ZNF668: variants seen among roughly 807,000 people sequenced by gnomAD.
The protein encoded by ZNF668 is zinc finger protein 668.
A neutral mutation model predicts 40.3 loss-of-function variants in ZNF668; 10 were observed. The observed-to-expected ratio is 0.25, with a 90% confidence interval of 0.15 to 0.42. The LOEUF (loss-of-function observed/expected upper bound fraction) is 0.42. Among genes scored for constraint, ZNF668 ranks in the 10% least tolerant of loss-of-function variants. The probability of loss-of-function intolerance (pLI) is 1.00; values close to 1 mark genes in which losing one functional copy is unlikely to be tolerated. For missense variants in ZNF668, 749 were observed against 904.6 expected (o/e 0.83, Z 2.21); for synonymous variants, 428 against 384.6 (o/e 1.11, Z -1.32).
chr16:31,071,292 G>A (rs1488088339), intron 1 of ZNF668, among the ~76,000 whole-genome samples: 2 of 151,522 alleles, frequency 1.3e-5, no homozygotes, highest in Non-Finnish European at 2.9e-5. Flanking sequence ...TCAGCCTCCC[G>A]AGTAGCTGGG....
At position 31,061,495 on chromosome 16, in the gene ZNF668, C is replaced by G. The variant is rs541275035; in HGVS notation, c.1433G>C (p.Gly478Ala). Residue 478 changes from glycine (G) to alanine (A), a missense_variant, in exon 3 of 3, where the codon GGC becomes GCC. Around this residue, in one of 4 missense-constraint regions of ZNF668, gnomAD observed 310 missense variants for 355.1 expected, o/e 0.87. Coordinates refer to ENST00000300849, the MANE Select transcript of ZNF668 (RefSeq NM_024706.5). This position sits in a 1 kb window ranked among gnomAD's most constrained non-coding sequence, Gnocchi z 7.7. ...GCATTCCACATGCTCCACCGTCATG[C>G]CCACCACCTGCCACTGTGTGGCCAT... ...GVMATQWQVVGMTVEHVECQD... is the reference protein window; with the variant it reads ...GVMATQWQVVAMTVEHVECQD... The G allele has an allele frequency of 1.2e-6, 2 of 1,613,024 alleles. No individual in the cohort carries two copies. Among genetic ancestry groups the G allele is most frequent in the African/African-American group, 1.3e-5 (1 of 75,048 alleles).
At chr16:31,071,485 T>C (rs993842091) in intron 1 of ZNF668, among the ~76,000 whole-genome samples, 1 of 151,860 alleles carries the variant, frequency 6.6e-6, no homozygotes, top group Non-Finnish European at 1.5e-5. Context: ...TATTTAGAGA[T>C]TGGGTCTCAC....
chr16:31,069,712 C>T lies in ZNF668; in HGVS notation c.-23+3947G>A, dbSNP rs550548818. The stretch of plus-strand genomic sequence containing the variant: ...TCTCATGATTATCTATCAAGCAGTT[C>T]TCCTGCCTCAGCCTCCTAAGTAGCT... On this transcript the variant is annotated intron_variant, in intron 1 of 2. Transcript: ENST00000300849. Among the ~76,000 whole-genome samples, 19 of 151,856 alleles carry T rather than the reference C, an allele frequency of 1.3e-4. No individual in the cohort carries two copies. In the South Asian group the frequency reaches 3.9e-3, roughly 32 times the overall value.
chr16:31,061,288 G>T lies in ZNF668; in HGVS notation c.1640C>A (p.Thr547Asn). The T allele has an allele frequency of 1.3e-6, 2 of 1,568,240 alleles. No homozygotes were observed. The highest frequency in any genetic ancestry group is 1.7e-6 in the Non-Finnish European group (2 of 1,156,404). The stretch of plus-strand genomic sequence containing the variant: ...GTCAGAGAAGCTCTTGCCGCACTGG[G>T]TGCAGGGGAAGGGCCGGAGCTCCGG... The part of the protein sequence containing the change: ...SHPELRPFPC[T>N]QCGKSFSDRA... Residue 547 changes from threonine to asparagine, a missense_variant, in exon 3 of 3, where the codon ACC (threonine) becomes AAC (asparagine). Thr to Asn is a moderately conservative substitution (Grantham distance 65, BLOSUM62 0). Transcript: ENST00000300849. This position sits in a 1 kb window ranked among gnomAD's most constrained non-coding sequence, Gnocchi z 7.7.
intron 2 of ZNF668, chr16:31,062,529 C>T: frequency 2.1e-6 from 1 of 481,472 alleles, no homozygotes; most frequent in Non-Finnish European, 3.7e-6. Context: ...GCCTGTAATT[C>T]CAGCACTTTG....
intron 1 of ZNF668, chr16:31,064,895 A>G: frequency 7.8e-6 from 11 of 1,409,536 alleles, no homozygotes; most frequent in East Asian, 2.6e-5. Context: ...GCGCCCAGAA[A>G]AGACAGACCT....
intron 1 of ZNF668, chr16:31,066,065 G>A (rs1251573048): frequency 4.1e-6 from 4 of 985,376 alleles, no homozygotes; most frequent in Middle Eastern, 5.2e-4. Flanking sequence ...AGCCCCTGAC[G>A]CGTGGCAAGG....
At chr16:31,062,311 G>A in intron 2 of ZNF668, 31 bp from the exon 3 acceptor site, 1 of 1,564,662 alleles carries the variant, frequency 6.4e-7, no homozygotes, top group African/African-American at 1.3e-5. Flanking sequence ...TGGCATGAAG[G>A]CGACAGACCC....
Position 31,073,676 on chromosome 16 carries a change from G to A in ZNF668, c.-40C>T, listed in dbSNP as rs2057037096. On this transcript the variant is annotated 5_prime_UTR_variant, in exon 1 of 3. Transcript: ENST00000300849. ...TTTCCTACCTGATGAGACTTGTGCT[G>A]ACTCCGTGGCGTCGGCGTCGGCTCC... 6.6e-6 allele frequency: 1 copy of A among 152,196 alleles called. No homozygotes were observed. Among genetic ancestry groups the A allele is most frequent in the African/African-American group, 2.4e-5 (1 of 41,444 alleles). The allele number at this position is 152,196 out of a possible 1,614,324, so 9.4% of individuals were successfully genotyped here. A position where few individuals can be genotyped will look rare whatever the true frequency, so the allele number is the denominator to read the frequency against.
chr16:31,063,769 T>TCGCCCTGCCCCGGAAGG (rs751996983), intron 2 of ZNF668, 44 bp downstream of exon 2: 147 of 1,484,524 alleles, frequency 9.9e-5, no homozygotes, highest in Middle Eastern at 4.8e-4. Flanking sequence ...AGCAACGCTG[T>TCGCCCTGCCCCGGAAGG]CGCCCTGCCC....
rs11311964 is a variant in ZNF668, at chr16:31,068,521, C to CT, written c.-22-4041dup. On this transcript the variant is annotated intron_variant, in intron 1 of 2. Coordinates refer to ENST00000300849, the MANE Select transcript of ZNF668 (RefSeq NM_024706.5). Reference sequence around the variant, plus strand: ...ACAGGCGAGAGCCACCACGCCCAGACTTTTTTTTTTTTTTTTATTAAAGAG... The same window carrying CT: ...ACAGGCGAGAGCCACCACGCCCAGACTTTTTTTTTTTTTTTTTATTAAAGAG... Among the ~76,000 whole-genome samples the CT allele has an allele frequency of 5.5e-3, 773 of 140,944 alleles. 4 individuals are homozygous for CT. The highest frequency in any genetic ancestry group is 0.014 in the African/African-American group (535 of 38,606). The allele number at this position is 140,944 out of a possible 152,430, so 92.5% of individuals were successfully genotyped here.
chr16:31,072,147 G>A (rs1463882363), intron 1 of ZNF668, among the ~76,000 whole-genome samples: 1 of 152,188 alleles, frequency 6.6e-6, no homozygotes, highest in Admixed American at 6.6e-5. Context: ...TGCTTTGCTA[G>A]CATTACACAT....
rs1157949343 is a variant in ZNF668 at position 31,061,564 on chromosome 16, G to A, written c.1364C>T (p.Pro455Leu). 1 of 1,609,262 alleles carries A rather than the reference G, an allele frequency of 6.2e-7. No homozygotes were observed. Among genetic ancestry groups the A allele is most frequent in the Non-Finnish European group, 8.5e-7 (1 of 1,179,802 alleles). The change falls in exon 3 of 3, where the codon CCT becomes CTT. Residue 455 changes from proline to leucine, a missense_variant. Coordinates refer to ENST00000300849, the MANE Select transcript of ZNF668 (RefSeq NM_024706.5). This position sits in a 1 kb window ranked among gnomAD's most constrained non-coding sequence, Gnocchi z 7.7. The stretch of plus-strand genomic sequence containing the variant: ...GGGCAGCCCTAGCAGCCCTGCTGGA[G>A]GGTCCCCCAGCCCCGCCCCTGCTGC... Reference protein sequence around the residue: ...APAAGAGLGDPPAGLLGLPPE... With the variant: ...APAAGAGLGDLPAGLLGLPPE...
chr16:31,064,322 C>A lies in ZNF668; in HGVS notation c.138G>T (p.Pro46=), dbSNP rs780838394. The change falls in exon 2 of 3, where the codon CCG becomes CCT. Residue 46 remains proline (P), a synonymous_variant. Coordinates refer to ENST00000300849, the MANE Select transcript of ZNF668 (RefSeq NM_024706.5). ...CGGCCACCTCTTCAGAGCAGTCTGC[C>A]GGCCCATGTGTGGCAGCGTGGCGCG... is the stretch of plus-strand genomic sequence containing the variant. The part of the protein sequence containing the change: ...RAARHAATHG[P]ADCSEEVAEV... The A allele has an allele frequency of 1.2e-6, 2 of 1,613,948 alleles. No homozygotes were observed. The highest frequency in any genetic ancestry group is 2.2e-5 in the East Asian group (1 of 44,868).
intron 1 of ZNF668, among the ~76,000 whole-genome samples, chr16:31,066,795 A>G (rs1879790423): frequency 6.6e-6 from 1 of 152,188 alleles, no homozygotes; most frequent in African/African-American, 2.4e-5. Context: ...AATTCTTCCT[A>G]CAGTTTCCAA....
At chr16:31,069,830 A>G (rs1431033059) in intron 1 of ZNF668, among the ~76,000 whole-genome samples, 1 of 114,050 alleles carries the variant, frequency 8.8e-6, no homozygotes, top group Admixed American at 1.3e-4. Flanking sequence ...GCTGGAGTGC[A>G]GTGGCACAAT....
In ZNF668 at chr16:31,061,210, G is replaced by A. The variant is rs2056919256; in HGVS notation, c.1718C>T (p.Thr573Ile). 1.3e-6 allele frequency: 2 copies of A among 1,526,754 alleles called. No homozygotes were observed. Among genetic ancestry groups the A allele is most frequent in the Non-Finnish European group, 1.8e-6 (2 of 1,138,940 alleles). The allele number at this position is 1,526,754 out of a possible 1,614,324, so 94.6% of individuals were successfully genotyped here. Residue 573 changes from threonine (T) to isoleucine (I), a missense_variant, in exon 3 of 3, where the codon ACC becomes ATC. Transcript: ENST00000300849. The surrounding 1 kb of genome is among the most constrained non-coding windows in gnomAD (Gnocchi z 7.7). Reference protein sequence around the residue: ...SRTHSSVRPYTCPHCPKAFLS... With the variant: ...SRTHSSVRPYICPHCPKAFLS... ...GAAGGCCTTGGGACAATGGGGGCAG[G>A]TGTAGGGGCGCACTGAGCTGTGAGT...
chr16:31,064,434 C>T lies in ZNF668; in HGVS notation c.26G>A (p.Arg9Gln), dbSNP rs754920170. The T allele has an allele frequency of 2.5e-6, 4 of 1,611,536 alleles. No individual in the cohort carries two copies. Among genetic ancestry groups the T allele is most frequent in the Non-Finnish European group, 3.4e-6 (4 of 1,179,880 alleles). The change falls in exon 2 of 3, where the codon CGG becomes CAG. Residue 9 changes from arginine to glutamine, a missense_variant. Around this residue, in one of 4 missense-constraint regions of ZNF668, gnomAD observed 159 missense variants for 139.8 expected, o/e 1.14. Transcript: ENST00000300849. ...GCGCTTGTAGCCGGGGGCTGGGGAC[C>T]GGGCCTCTGCAGCCTCCACTTCCAT... MEVEAAEARSPAPGYKRSG... is the reference protein window; with the variant it reads MEVEAAEAQSPAPGYKRSG...
At chr16:31,070,430 ACTC>A (rs1036862137) in intron 1 of ZNF668, among the ~76,000 whole-genome samples, 1 of 134,958 alleles carries the variant, frequency 7.4e-6, no homozygotes, top group Non-Finnish European at 1.6e-5. Flanking sequence ...CTGGTCTTGA[ACTC>A]CTGACCTCAA....
Sources: gnomAD v4.1 joint callset for allele counts (sites outside exome capture counted in the v4.1 genomes callset) on GRCh38, gnomAD v4.1.1 for gene constraint, gnomAD v4.1.1 regional missense constraint, Gnocchi (gnomAD v3.1) non-coding constraint, MANE v1.5 for transcripts, NCBI Gene and HGNC (gene_info 2026-07-23, HGNC 2026-07-21) for gene names.